Variants in DERA observed in about 807,000 individuals in gnomAD.
DERA encodes 2-deoxy-D-ribose 5-phosphate aldolase.
Under a neutral mutation model 41.1 loss-of-function variants are expected in DERA, and 15 were observed. That is an observed-to-expected ratio of 0.37 (90% CI 0.24 to 0.56). The LOEUF (loss-of-function observed/expected upper bound fraction) is 0.56, where lower values mean the gene tolerates loss of function less well. DERA is among the 20% of genes least tolerant of loss of function. DERA has a pLI of 0.81. For missense variants in DERA, 396 were observed against 403.4 expected (o/e 0.98, Z 0.16); for synonymous variants, 139 against 137.4 (o/e 1.01, Z -0.08).
intron 1 of DERA, among the ~76,000 whole-genome samples, chr12:15,933,205 A>T (rs1176654273): frequency 6.6e-6 from 1 of 152,198 alleles, no homozygotes; most frequent in Non-Finnish European, 1.5e-5. Context: ...TTGCCGGATC[A>T]TATGGTAGTT....
rs1054365434 is a variant in DERA at position 16,019,308 on chromosome 12, G to A, written c.638-13234G>A. Among the ~76,000 whole-genome samples, 7 of 152,150 alleles carry A rather than the reference G, an allele frequency of 4.6e-5. No individual in the cohort carries two copies. Among genetic ancestry groups the A allele is most frequent in the African/African-American group, 1.7e-4 (7 of 41,440 alleles). ...AAAAATAGCCAGTGTCTGCATGCCT[G>A]AACTATTTTTAATATCTTGTGGTCT... is the stretch of plus-strand genomic sequence containing the variant. On this transcript the variant is annotated intron_variant, in intron 6 of 8. Coordinates refer to ENST00000428559, the MANE Select transcript of DERA (RefSeq NM_015954.4). The surrounding 1 kb of genome is among the most constrained non-coding windows in gnomAD (Gnocchi z 4.4).
rs1277590173 is a variant in DERA at position 16,009,947 on chromosome 12, A to G, written c.638-22595A>G. On this transcript the variant is annotated intron_variant, in intron 6 of 8. Transcript: ENST00000428559. The surrounding 1 kb of genome is among the most constrained non-coding windows in gnomAD (Gnocchi z 5.3). ...TGTTTTCTGCTGAGCAGAAATCTAAAAACAAATGGCCTTTAAATCAGACCT... is the reference window on the plus strand; with the variant it reads ...TGTTTTCTGCTGAGCAGAAATCTAAGAACAAATGGCCTTTAAATCAGACCT... Among the ~76,000 whole-genome samples the G allele has an allele frequency of 6.6e-6, 1 of 152,244 alleles. No individual in the cohort carries two copies. Among genetic ancestry groups the G allele is most frequent in the Admixed American group, 6.5e-5 (1 of 15,282 alleles).
At chr12:15,932,825 C>A (rs1400531526) in intron 1 of DERA, among the ~76,000 whole-genome samples, 1 of 152,084 alleles carries the variant, frequency 6.6e-6, no homozygotes, top group African/African-American at 2.4e-5. Flanking sequence ...AATTTTTGTA[C>A]CCTTTGACCA....
At chr12:15,929,982 C>T (rs1948315667) in intron 1 of DERA, among the ~76,000 whole-genome samples, 1 of 152,084 alleles carries the variant, frequency 6.6e-6, no homozygotes, top group African/African-American at 2.4e-5. Flanking sequence ...AATCCTGGTT[C>T]TTCTACCTAT....
At chr12:15,944,212 A>T (rs1948429696) in intron 1 of DERA, among the ~76,000 whole-genome samples, 1 of 152,192 alleles carries the variant, frequency 6.6e-6, no homozygotes, top group South Asian at 2.1e-4. Flanking sequence ...TCTTTATAGC[A>T]GCATGATTTA....
chr12:15,983,753 G>T lies in DERA; in HGVS notation c.637+1317G>T, dbSNP rs1046318331. On this transcript the variant is annotated intron_variant, in intron 6 of 8. Coordinates refer to ENST00000428559, the MANE Select transcript of DERA (RefSeq NM_015954.4). The surrounding 1 kb of genome is among the most constrained non-coding windows in gnomAD (Gnocchi z 6.2). ...CTTGAGTGCTCTGTCAGGCCTAGTA[G>T]ATCATTCCTTGGAACTCTACTGAAA... Among the ~76,000 whole-genome samples, 2 of 152,210 alleles carry T rather than the reference G, an allele frequency of 1.3e-5. No individual in the cohort carries two copies. Among genetic ancestry groups the T allele is most frequent in the Non-Finnish European group, 1.5e-5 (1 of 68,038 alleles).
chr12:15,911,717 C>CA lies in DERA; in HGVS notation c.31+309dup. On this transcript the variant is annotated intron_variant, in intron 1 of 8. Transcript: ENST00000428559. This position sits in a 1 kb window ranked among gnomAD's most constrained non-coding sequence, Gnocchi z 4.5. ...TCGCTGGTTGGAAAACCCAACAACC[C>CA]AAAAAACAAAACCCAAAACAAACAA... 1 of 645,528 alleles carries CA rather than the reference C, an allele frequency of 1.5e-6. No homozygotes were observed. The highest frequency in any genetic ancestry group is 2.9e-6 in the Non-Finnish European group (1 of 349,254). 40.0% of individuals were successfully genotyped at this position (645,528 alleles called of 1,614,324 possible). A position where few individuals can be genotyped will look rare whatever the true frequency, so the allele number is the denominator to read the frequency against.
At chr12:16,002,721 C>T (rs1008589448) in intron 6 of DERA, among the ~76,000 whole-genome samples, 2 of 152,128 alleles carry the variant, frequency 1.3e-5, no homozygotes, top group Non-Finnish European at 2.9e-5. Context: ...CCACCTAGGA[C>T]TCTTTACCTC....
At position 15,921,416 on chromosome 12, in the gene DERA, A is replaced by G. The variant is rs566194888; in HGVS notation, c.31+10002A>G. Among the ~76,000 whole-genome samples, 10 of 152,320 alleles carry G rather than the reference A, an allele frequency of 6.6e-5. No homozygotes were observed. Among genetic ancestry groups the G allele is most frequent in the African/African-American group, 2.4e-4 (10 of 41,568 alleles). ...GCTGAAGATGTGAGATTAACCAGAA[A>G]GAGTAATTCCGTTAATTTTCTGGTA... On this transcript the variant is annotated intron_variant, in intron 1 of 8. Coordinates refer to ENST00000428559, the MANE Select transcript of DERA (RefSeq NM_015954.4). This position sits in a 1 kb window ranked among gnomAD's most constrained non-coding sequence, Gnocchi z 5.3.
chr12:15,936,417 C>G lies in DERA; in HGVS notation c.32-20519C>G, dbSNP rs1354367608. 1.3e-5 allele frequency among the ~76,000 whole-genome samples: 2 copies of G among 152,208 alleles called. No individual in the cohort carries two copies. The highest frequency in any genetic ancestry group is 1.3e-4 in the Admixed American group (2 of 15,276). Reference sequence around the variant, plus strand: ...GTGTTGGCAGTTTTTTCTGCAATATCTTAAAATTATAGACATTTTGGAAAA... The same window carrying G: ...GTGTTGGCAGTTTTTTCTGCAATATGTTAAAATTATAGACATTTTGGAAAA... On this transcript the variant is annotated intron_variant, in intron 1 of 8. Coordinates refer to ENST00000428559, the MANE Select transcript of DERA (RefSeq NM_015954.4). This position sits in a 1 kb window ranked among gnomAD's most constrained non-coding sequence, Gnocchi z 4.6.
In DERA at chr12:16,035,291, C is replaced by G. The variant is rs1949119761; in HGVS notation, c.751-941C>G. On this transcript the variant is annotated intron_variant, in intron 7 of 8. Coordinates refer to ENST00000428559, the MANE Select transcript of DERA (RefSeq NM_015954.4). This position sits in a 1 kb window ranked among gnomAD's most constrained non-coding sequence, Gnocchi z 4.1. The stretch of plus-strand genomic sequence containing the variant: ...TAGAATATATTCATTTAATGTCTCC[C>G]TTCTCTAGCATTCTGTTAGCAGTCA... 6.6e-6 allele frequency among the ~76,000 whole-genome samples: 1 copy of G among 152,050 alleles called. No individual in the cohort carries two copies. Among genetic ancestry groups the G allele is most frequent in the African/African-American group, 2.4e-5 (1 of 41,396 alleles).
chr12:15,913,949 T>C lies in DERA; in HGVS notation c.31+2535T>C, dbSNP rs1948181674. Among the ~76,000 whole-genome samples, 1 of 152,200 alleles carries C rather than the reference T, an allele frequency of 6.6e-6. No homozygotes were observed. The highest frequency in any genetic ancestry group is 1.5e-5 in the Non-Finnish European group (1 of 68,032). On this transcript the variant is annotated intron_variant, in intron 1 of 8. Coordinates refer to ENST00000428559, the MANE Select transcript of DERA (RefSeq NM_015954.4). This position sits in a 1 kb window ranked among gnomAD's most constrained non-coding sequence, Gnocchi z 4.5. Reference sequence around the variant, plus strand: ...ATGCCCTATATAGTCTATTAAAATGTACAGATATTCTTCTATTTTATTAGA... The same window carrying C: ...ATGCCCTATATAGTCTATTAAAATGCACAGATATTCTTCTATTTTATTAGA...
chr12:15,964,362 C>T (rs1948608964), intron 5 of DERA, among the ~76,000 whole-genome samples: 2 of 152,102 alleles, frequency 1.3e-5, no homozygotes, highest in South Asian at 4.1e-4. Flanking sequence ...TTGCGTTCAC[C>T]CCACTGCCCC....
intron 5 of DERA, among the ~76,000 whole-genome samples, chr12:15,975,107 C>G (rs188574770): frequency 4.3e-4 from 65 of 152,294 alleles, no homozygotes; most frequent in African/African-American, 1.6e-3. Context: ...ACGGAAATTA[C>G]AGTAGAGAAA....
intron 7 of DERA, among the ~76,000 whole-genome samples, chr12:16,034,759 A>G (rs1276482935): frequency 1.0e-5 from 1 of 95,262 alleles, no homozygotes; most frequent in Non-Finnish European, 1.9e-5. Flanking sequence ...ATTCTCTTTA[A>G]AAAAAAAAAA....
In DERA at chr12:15,989,852, A is replaced by T. The variant is rs1948789509; in HGVS notation, c.637+7416A>T. Reference sequence around the variant, plus strand: ...AAAATTGTGTTAAACAACTTTGGTCAACTAAATGTTAGTAGTCTAAACTGT... The same window carrying T: ...AAAATTGTGTTAAACAACTTTGGTCTACTAAATGTTAGTAGTCTAAACTGT... On this transcript the variant is annotated intron_variant, in intron 6 of 8. Coordinates refer to ENST00000428559, the MANE Select transcript of DERA (RefSeq NM_015954.4). This position sits in a 1 kb window ranked among gnomAD's most constrained non-coding sequence, Gnocchi z 5.2. Among the ~76,000 whole-genome samples, 1 of 152,232 alleles carries T rather than the reference A, an allele frequency of 6.6e-6. No individual in the cohort carries two copies. The highest frequency in any genetic ancestry group is 1.5e-5 in the Non-Finnish European group (1 of 68,040).
In DERA at chr12:15,980,699, G is replaced by A. The variant is rs111736599; in HGVS notation, c.509-1609G>A. 1.5e-4 allele frequency among the ~76,000 whole-genome samples: 23 copies of A among 152,234 alleles called. 1 individual carries two copies. The highest frequency in any genetic ancestry group is 1.0e-3 in the South Asian group (5 of 4,818). ...TCATCCCTAGTACTCAGAACTGCAC[G>A]TTATTAAGGATCTGTGAAAATAGTC... is the stretch of plus-strand genomic sequence containing the variant. On this transcript the variant is annotated intron_variant, in intron 5 of 8. Coordinates refer to ENST00000428559, the MANE Select transcript of DERA (RefSeq NM_015954.4).
rs919929487 is a variant in DERA, at chr12:15,918,779, G to A, written c.31+7365G>A. The stretch of plus-strand genomic sequence containing the variant: ...TAAAACTGACAACAGGAACGTGGTG[G>A]GATTGGAAGGATAAAGACGAATTCA... On this transcript the variant is annotated intron_variant, in intron 1 of 8. Transcript: ENST00000428559. This position sits in a 1 kb window ranked among gnomAD's most constrained non-coding sequence, Gnocchi z 4.3. Among the ~76,000 whole-genome samples the A allele has an allele frequency of 6.6e-6, 1 of 152,088 alleles. No homozygotes were observed. Among genetic ancestry groups the A allele is most frequent in the Non-Finnish European group, 1.5e-5 (1 of 68,018 alleles).
In DERA at chr12:16,036,794, T is replaced by C. The variant is rs1949132518; in HGVS notation, c.*48T>C. 7.2e-7 allele frequency: 1 copy of C among 1,379,990 alleles called. No individual in the cohort carries two copies. Among genetic ancestry groups the C allele is most frequent in the Non-Finnish European group, 1.0e-6 (1 of 996,220 alleles). 85.5% of individuals were successfully genotyped at this position (1,379,990 alleles called of 1,614,324 possible). ...GTTCTTTACGACAATGTTTAAAAAT[T>C]ATTTTTCTACGTAATTGCTAAAATT... On this transcript the variant is annotated 3_prime_UTR_variant, in exon 9 of 9. Coordinates refer to ENST00000428559, the MANE Select transcript of DERA (RefSeq NM_015954.4). The surrounding 1 kb of genome is among the most constrained non-coding windows in gnomAD (Gnocchi z 4.9).
Sources: allele counts gnomAD v4.1 joint callset (sites outside exome capture counted in the v4.1 genomes callset), GRCh38; gene constraint gnomAD v4.1.1; non-coding constraint Gnocchi (gnomAD v3.1); transcripts MANE v1.5; gene names NCBI Gene and HGNC (gene_info 2026-07-23, HGNC 2026-07-21).